TBC1D23: variants seen among roughly 807,000 people sequenced by gnomAD.
TBC1D23 encodes the protein TBC1 domain family member 23.
A neutral mutation model predicts 91.4 loss-of-function variants in TBC1D23; 55 were observed. That is an observed-to-expected ratio of 0.60 (90% CI 0.48 to 0.75). The LOEUF is 0.75. Among genes scored for constraint, TBC1D23 ranks in the 30% least tolerant of loss-of-function variants. The pLI is 0.00. For synonymous variants in TBC1D23, 289 were observed against 281.0 expected (o/e 1.03, Z -0.28); for missense variants, 725 against 836.1 (o/e 0.87, Z 1.64).
In TBC1D23 at chr3:100,297,922, G is replaced by T; in HGVS notation, c.877-1G>T. ...ATGTTTAAAAATTTCCCTTCAAACA[G>T]GATAATCACCATCTCTTTGGTAGTA... is the stretch of plus-strand genomic sequence containing the variant. On this transcript the variant is annotated splice_acceptor_variant, in intron 8 of 18. Coordinates refer to ENST00000394144, the MANE Select transcript of TBC1D23 (RefSeq NM_001199198.3). LOFTEE classifies it high-confidence loss of function. 6.2e-7 allele frequency: 1 copy of T among 1,602,004 alleles called. No individual in the cohort carries two copies. Among genetic ancestry groups the T allele is most frequent in the Non-Finnish European group, 8.5e-7 (1 of 1,172,764 alleles).
chr3:100,269,127 T>G (rs543741339), intron 1 of TBC1D23, among the ~76,000 whole-genome samples: 5 of 152,324 alleles, frequency 3.3e-5, no homozygotes, highest in African/African-American at 1.2e-4. Context: ...GAATAACATT[T>G]CTGTGATCTC....
At chr3:100,314,613 A>G (rs887859103) in intron 15 of TBC1D23, among the ~76,000 whole-genome samples, 1 of 152,100 alleles carries the variant, frequency 6.6e-6, no homozygotes, top group African/African-American at 2.4e-5. Flanking sequence ...AAAAATAAAA[A>G]AATTAGGCAG....
intron 17 of TBC1D23, among the ~76,000 whole-genome samples, chr3:100,319,953 T>G (rs1338146347): frequency 1.3e-5 from 2 of 152,144 alleles, no homozygotes; most frequent in Non-Finnish European, 2.9e-5. Flanking sequence ...TTTTGTAAAT[T>G]AACATCATTT....
chr3:100,282,001 G>A (rs2067699227), intron 3 of TBC1D23, among the ~76,000 whole-genome samples, 154 bp downstream of exon 3: 1 of 152,156 alleles, frequency 6.6e-6, no homozygotes, highest in Non-Finnish European at 1.5e-5. Context: ...ATGAAATATT[G>A]TCTATTAATT....
rs148704164 is a variant in TBC1D23 at position 100,310,898 on chromosome 3, T to C, written c.1553+356T>C. Among the ~76,000 whole-genome samples the C allele has an allele frequency of 4.7e-3, 709 of 152,308 alleles. 2 individuals are homozygous for C. Among genetic ancestry groups the C allele is most frequent in the Non-Finnish European group, 6.3e-3 (430 of 68,022 alleles). On this transcript the variant is annotated intron_variant, in intron 14 of 18. Coordinates refer to ENST00000394144, the MANE Select transcript of TBC1D23 (RefSeq NM_001199198.3). ...GTGATCTCATAGTAGGAACTTCTTCTTCTGCTCCAAGATTTTAAAACCTAG... is the reference window on the plus strand; with the variant it reads ...GTGATCTCATAGTAGGAACTTCTTCCTCTGCTCCAAGATTTTAAAACCTAG...
chr3:100,275,966 G>T (rs944053926), intron 1 of TBC1D23, among the ~76,000 whole-genome samples: 4 of 152,022 alleles, frequency 2.6e-5, no homozygotes, highest in African/African-American at 7.2e-5. Context: ...AATATGTAGA[G>T]ACAGAAAGTA....
At chr3:100,289,335 T>A (rs2067770429) in intron 4 of TBC1D23, among the ~76,000 whole-genome samples, 1 of 152,168 alleles carries the variant, frequency 6.6e-6, no homozygotes. Context: ...TCTGTTTGAG[T>A]TATCACAAAC....
At chr3:100,268,636 CTT>C (rs1488942551) in intron 1 of TBC1D23, among the ~76,000 whole-genome samples, 2 of 152,190 alleles carry the variant, frequency 1.3e-5, no homozygotes, top group Non-Finnish European at 2.9e-5. Context: ...ATCTCTCTCT[CTT>C]TGCTGTTTTC....
intron 1 of TBC1D23, among the ~76,000 whole-genome samples, chr3:100,263,595 A>T (rs2067532437): frequency 6.6e-6 from 1 of 152,256 alleles, no homozygotes; most frequent in African/African-American, 2.4e-5. Context: ...AGAAAAAAGA[A>T]AAATAGATCT....
Position 100,290,691 on chromosome 3 carries a change from C to T in TBC1D23, c.590C>T (p.Ala197Val). 4 of 1,607,062 alleles carry T rather than the reference C, an allele frequency of 2.5e-6. No individual in the cohort carries two copies. The highest frequency in any genetic ancestry group is 3.4e-6 in the Non-Finnish European group (4 of 1,175,962). ...DTKKITPDSY[A>V]LNWLGSLFAC... ...AAGAAAATTACTCCAGACTCCTATGCACTCAACTGGGTAATAAAGTGAAAG... is the reference window on the plus strand; with the variant it reads ...AAGAAAATTACTCCAGACTCCTATGTACTCAACTGGGTAATAAAGTGAAAG... The change falls in exon 5 of 19, where the codon GCA becomes GTA. Residue 197 changes from alanine (A) to valine (V), a missense_variant. Coordinates refer to ENST00000394144, the MANE Select transcript of TBC1D23 (RefSeq NM_001199198.3).
At chr3:100,298,824 C>T (rs987310238) in intron 9 of TBC1D23, among the ~76,000 whole-genome samples, 15 of 152,086 alleles carry the variant, frequency 9.9e-5, no homozygotes, top group Admixed American at 5.2e-4. Context: ...TCCCCCCACA[C>T]GAAATAGATG....
intron 1 of TBC1D23, among the ~76,000 whole-genome samples, chr3:100,261,747 G>A (rs2067512803): frequency 6.6e-6 from 1 of 152,132 alleles, no homozygotes; most frequent in Admixed American, 6.5e-5. Context: ...GGGATTGTGG[G>A]GGAAGACCGC....
chr3:100,299,462 A>C, intron 10 of TBC1D23, 131 bp downstream of exon 10: 1 of 461,482 alleles, frequency 2.2e-6, no homozygotes, highest in South Asian at 3.1e-5. Context: ...CCTTATGAGA[A>C]AAGTGTTGCT....
intron 10 of TBC1D23, among the ~76,000 whole-genome samples, chr3:100,300,101 T>C (rs1051023830): frequency 6.6e-6 from 1 of 152,212 alleles, no homozygotes; most frequent in Non-Finnish European, 1.5e-5. Flanking sequence ...TACTTAGTTA[T>C]TAAAACTACT....
At chr3:100,302,303 G>T in intron 11 of TBC1D23, 66 bp downstream of exon 11, 1 of 1,338,616 alleles carries the variant, frequency 7.5e-7, no homozygotes, top group Non-Finnish European at 1.0e-6. Flanking sequence ...AATTTACATA[G>T]ATAACTTTTT....
At chr3:100,323,435 T>C (rs1486812698) in intron 18 of TBC1D23, 152 bp from the exon 19 acceptor site, 4 of 288,314 alleles carry the variant, frequency 1.4e-5, no homozygotes, top group East Asian at 1.3e-4. Context: ...TGGGAGTACA[T>C]AGGAGGCATC....
intron 1 of TBC1D23, among the ~76,000 whole-genome samples, chr3:100,262,152 T>G (rs1355049250): frequency 5.3e-5 from 8 of 152,316 alleles, no homozygotes; most frequent in Middle Eastern, 6.8e-3. Context: ...GAGGAAAACT[T>G]CATGGTGATC....
At chr3:100,278,585 C>T (rs1197550204) in intron 1 of TBC1D23, among the ~76,000 whole-genome samples, 1 of 152,044 alleles carries the variant, frequency 6.6e-6, no homozygotes, top group East Asian at 1.9e-4. Flanking sequence ...GGGGTTTCAC[C>T]ATCTTGGCCA....
chr3:100,261,164 G>T, intron 1 of TBC1D23, 93 bp downstream of exon 1: 2 of 1,292,460 alleles, frequency 1.5e-6, no homozygotes, highest in Non-Finnish European at 2.2e-6. Flanking sequence ...CGTCGGCATG[G>T]AACGGAGAGG....
Sources: gnomAD v4.1 joint callset for allele counts (sites outside exome capture counted in the v4.1 genomes callset) on GRCh38, gnomAD v4.1.1 for gene constraint, MANE v1.5 for transcripts, NCBI Gene and HGNC (gene_info 2026-07-23, HGNC 2026-07-21) for gene names.